The following DIP2C variants were observed in gnomAD, a reference collection of about 807,000 sequenced individuals.
DIP2C encodes disco-interacting protein 2 homolog C.
DIP2C carries 33 observed loss-of-function variants against 192.4 expected under a neutral mutation model. The observed-to-expected ratio is 0.17, with a 90% CI of 0.13 to 0.23. The LOEUF (loss-of-function observed/expected upper bound fraction) is 0.23. DIP2C is among the 10% of genes least tolerant of loss of function. The pLI is 1.00. For synonymous variants in DIP2C, 979 were observed against 864.1 expected, an observed-to-expected ratio of 1.13 and a Z score of -2.33; for missense variants, 1,537 against 2,110.1, an observed-to-expected ratio of 0.73 and a Z score of 5.32.
At chr10:285,494 C>T (rs1006346751) in intron 34 of DIP2C, among the ~76,000 whole-genome samples, 11 of 152,210 alleles carry the variant, frequency 7.2e-5, no homozygotes, top group Admixed American at 3.9e-4. Flanking sequence ...GGAGGGCACA[C>T]GTGCTGCCAC....
At chr10:566,273 T>C (rs1849464486) in intron 1 of DIP2C, among the ~76,000 whole-genome samples, 1 of 152,190 alleles carries the variant, frequency 6.6e-6, no homozygotes, top group Non-Finnish European at 1.5e-5. Context: ...GTAGTTACCA[T>C]TTATTAAAAG....
At chr10:670,310 A>G (rs542708123) in intron 1 of DIP2C, among the ~76,000 whole-genome samples, 4 of 152,298 alleles carry the variant, frequency 2.6e-5, no homozygotes, top group East Asian at 3.9e-4. Flanking sequence ...ATACGCACAT[A>G]CATGCATATA....
At chr10:543,923 C>T (rs1165893531) in intron 1 of DIP2C, among the ~76,000 whole-genome samples, 3 of 152,266 alleles carry the variant, frequency 2.0e-5, no homozygotes, top group South Asian at 4.1e-4. Context: ...TGCTTCCTTC[C>T]GCCAGCCCCT....
intron 1 of DIP2C, among the ~76,000 whole-genome samples, chr10:615,906 G>A (rs774237299): frequency 1.3e-5 from 2 of 152,340 alleles, no homozygotes; most frequent in Non-Finnish European, 2.9e-5. Flanking sequence ...ACTCTAGCCT[G>A]ATTCCTTTGT....
chr10:469,106 G>A (rs2133424172), intron 3 of DIP2C, among the ~76,000 whole-genome samples: 1 of 152,172 alleles, frequency 6.6e-6, no homozygotes, highest in East Asian at 1.9e-4. Context: ...CACCCTGGGA[G>A]CAGAATTGGA....
At chr10:596,677 C>T (rs577191878) in intron 1 of DIP2C, among the ~76,000 whole-genome samples, 1 of 152,122 alleles carries the variant, frequency 6.6e-6, no homozygotes, top group Non-Finnish European at 1.5e-5. Context: ...AAGGAAGGCA[C>T]ATACTGTGAA....
chr10:638,688 G>A (rs1429988489), intron 1 of DIP2C, among the ~76,000 whole-genome samples: 1 of 152,148 alleles, frequency 6.6e-6, no homozygotes, highest in Admixed American at 6.6e-5. Flanking sequence ...TCCCATTTTG[G>A]TGACAAACTT....
At chr10:327,611 G>A (rs1957333030) in intron 30 of DIP2C, among the ~76,000 whole-genome samples, 1 of 152,188 alleles carries the variant, frequency 6.6e-6, no homozygotes, top group Non-Finnish European at 1.5e-5. Context: ...TGCCCAGGCT[G>A]GAGTTGAACT....
At chr10:331,266 T>C (rs1049001945) in intron 29 of DIP2C, among the ~76,000 whole-genome samples, 5 of 152,134 alleles carry the variant, frequency 3.3e-5, no homozygotes, top group Non-Finnish European at 5.9e-5. Context: ...ACTAAAGAAA[T>C]GTAAGGAAGT....
intron 1 of DIP2C, among the ~76,000 whole-genome samples, chr10:599,152 G>A (rs1851901863): frequency 2.0e-5 from 3 of 152,162 alleles, no homozygotes; most frequent in East Asian, 1.9e-4. Flanking sequence ...AGCGTTCCCA[G>A]GGAGGAGGGC....
chr10:639,064 T>C (rs972153589), intron 1 of DIP2C, among the ~76,000 whole-genome samples: 3 of 152,218 alleles, frequency 2.0e-5, no homozygotes, highest in African/African-American at 7.2e-5. Flanking sequence ...GCCTGCATGA[T>C]GGAGGTCCCA....
At chr10:529,833 G>A (rs1014947106) in intron 1 of DIP2C, among the ~76,000 whole-genome samples, 1 of 152,222 alleles carries the variant, frequency 6.6e-6, no homozygotes, top group African/African-American at 2.4e-5. Flanking sequence ...AGGCCGGAGT[G>A]CAGTATTGCG....
chr10:323,509 ACACT>A (rs1408392510), intron 31 of DIP2C, among the ~76,000 whole-genome samples: 9 of 152,364 alleles, frequency 5.9e-5, no homozygotes, highest in Admixed American at 2.6e-4. Context: ...CCCCGTTTCC[ACACT>A]CACTCACGAT....
At chr10:329,231 G>A (rs369774738) in intron 30 of DIP2C, among the ~76,000 whole-genome samples, 5 of 152,296 alleles carry the variant, frequency 3.3e-5, no homozygotes, top group South Asian at 4.1e-4. Flanking sequence ...ATTCTGGTTC[G>A]TTACTGTCTG....
rs895023591 is a variant in DIP2C, at chr10:595,676, G to A, written c.85+93818C>T. ...GGTTCCAGGACACCCCGGGTTTACC[G>A]AAATCCACGCGTCCGCAGGACCCGC... On this transcript the variant is annotated intron_variant, in intron 1 of 36. Coordinates refer to ENST00000280886, the MANE Select transcript of DIP2C (RefSeq NM_014974.3). 7.9e-5 allele frequency among the ~76,000 whole-genome samples: 12 copies of A among 152,324 alleles called. No individual in the cohort carries two copies. In the East Asian group the frequency reaches 1.2e-3, roughly 15 times the overall value.
chr10:424,247 C>T (rs1364731617), intron 4 of DIP2C, among the ~76,000 whole-genome samples: 2 of 150,892 alleles, frequency 1.3e-5, no homozygotes, highest in South Asian at 2.1e-4. Flanking sequence ...ACAATATACA[C>T]ACTTATTATC....
intron 31 of DIP2C, among the ~76,000 whole-genome samples, chr10:311,904 A>C (rs1589447964): frequency 6.6e-6 from 1 of 152,090 alleles, no homozygotes; most frequent in African/African-American, 2.4e-5. Flanking sequence ...GCACCGTGTC[A>C]CTCACGGTGC....
At chr10:387,970 G>A (rs1963118068) in intron 13 of DIP2C, among the ~76,000 whole-genome samples, 161 bp from the exon 14 acceptor site, 1 of 152,202 alleles carries the variant, frequency 6.6e-6, no homozygotes, top group East Asian at 1.9e-4. Flanking sequence ...AAGTAGGCCG[G>A]TTTGAGTGCC....
At chr10:419,492 A>G (rs1010951986) in intron 5 of DIP2C, among the ~76,000 whole-genome samples, 1 of 152,250 alleles carries the variant, frequency 6.6e-6, no homozygotes, top group African/African-American at 2.4e-5. Flanking sequence ...TGGCAATGGC[A>G]GGGCGTCAGG....
Sources: gnomAD v4.1 joint callset for allele counts (sites outside exome capture counted in the v4.1 genomes callset) on GRCh38, gnomAD v4.1.1 for gene constraint, MANE v1.5 for transcripts, NCBI Gene and HGNC (gene_info 2026-07-23, HGNC 2026-07-21) for gene names.